Variants in SMG6 observed in about 807,000 individuals in gnomAD.
SMG6 encodes telomerase-binding protein EST1A.
A neutral mutation model predicts 142.2 loss-of-function variants in SMG6; 66 were observed. The observed-to-expected ratio is 0.46, with a 90% CI of 0.38 to 0.57. The LOEUF (loss-of-function observed/expected upper bound fraction) is 0.57, where lower values mean the gene tolerates loss of function less well. SMG6 is among the 20% of genes least tolerant of loss of function. The pLI, the probability that SMG6 is intolerant of heterozygous loss-of-function variation, is 0.00. For synonymous variants in SMG6, 779 were observed against 702.4 expected (o/e 1.11, Z -1.72); for missense variants, 1,793 against 1,832.0 (o/e 0.98, Z 0.39).
chr17:2,284,388 T>G (rs1187756051), intron 6 of SMG6, among the ~76,000 whole-genome samples: 3 of 152,270 alleles, frequency 2.0e-5, no homozygotes, highest in African/African-American at 7.2e-5. Flanking sequence ...AGTTGAACAT[T>G]TTATGGATAT....
chr17:2,303,540 C>G, intron 1 of SMG6, 93 bp downstream of exon 1: 1 of 1,339,744 alleles, frequency 7.5e-7, no homozygotes, highest in South Asian at 1.9e-5. Context: ...GCGGGGGCTC[C>G]GGAGCCGAGG....
chr17:2,136,001 T>TGC (rs1386051027), intron 13 of SMG6, among the ~76,000 whole-genome samples: 1 of 41,834 alleles, frequency 2.4e-5, no homozygotes, highest in African/African-American at 8.4e-5. Context: ...TATTTATGTG[T>TGC]GTGTGTGTGT....
At chr17:2,243,251 G>A (rs2151299680) in intron 9 of SMG6, among the ~76,000 whole-genome samples, 1 of 152,298 alleles carries the variant, frequency 6.6e-6, no homozygotes, top group African/African-American at 2.4e-5. Context: ...GATACCAAAT[G>A]AATATGTAAT....
rs973511893 is a variant in SMG6, at chr17:2,060,347, A to G, written c.*1145T>C. 6.6e-6 allele frequency: 1 copy of G among 152,192 alleles called. No individual in the cohort carries two copies. Among genetic ancestry groups the G allele is most frequent in the Non-Finnish European group, 1.5e-5 (1 of 68,044 alleles). 9.4% of individuals were successfully genotyped at this position (152,192 alleles called of 1,614,324 possible). On this transcript the variant is annotated 3_prime_UTR_variant, in exon 19 of 19. Coordinates refer to ENST00000263073, the MANE Select transcript of SMG6 (RefSeq NM_017575.5). ...TGTGTCAGTGTCAGTTTTTCCGGGG[A>G]GTGAGGGCAAAGCTAGAAACCAGGT...
chr17:2,284,237 A>G (rs1322772806), intron 6 of SMG6, among the ~76,000 whole-genome samples: 1 of 152,210 alleles, frequency 6.6e-6, no homozygotes, highest in African/African-American at 2.4e-5. Flanking sequence ...TATATCCTCA[A>G]CATTACAATG....
intron 13 of SMG6, among the ~76,000 whole-genome samples, chr17:2,169,206 T>C (rs890155616): frequency 4.0e-5 from 6 of 150,078 alleles, no homozygotes; most frequent in African/African-American, 1.5e-4. Flanking sequence ...GAGAAAGAGG[T>C]CCCGCAGAGG....
At chr17:2,089,088 T>A (rs1433689014) in intron 13 of SMG6, among the ~76,000 whole-genome samples, 1 of 152,164 alleles carries the variant, frequency 6.6e-6, no homozygotes, top group Non-Finnish European at 1.5e-5. Context: ...GGAGAGGGGT[T>A]AAAGCTGGAC....
chr17:2,140,138 C>T (rs773269870), intron 13 of SMG6, among the ~76,000 whole-genome samples: 136 of 152,198 alleles, frequency 8.9e-4, no homozygotes, highest in Non-Finnish European at 1.7e-3. Context: ...CCTCGGCTCA[C>T]TGCAACCTCC....
chr17:2,225,943 C>T (rs982846964), intron 10 of SMG6, among the ~76,000 whole-genome samples: 3 of 152,228 alleles, frequency 2.0e-5, no homozygotes, highest in South Asian at 2.1e-4. Context: ...AAATATAAAT[C>T]GGATAAGGGC....
rs1345934974 is a variant in SMG6 at position 2,299,218 on chromosome 17, C to T, written c.1535G>A (p.Arg512Gln). Residue 512 changes from arginine (R) to glutamine (Q), a missense_variant, in exon 2 of 19, where the codon CGG becomes CAG. Physicochemically the swap from Arg to Gln is conservative, Grantham distance 43. Around this residue, in one of 3 missense-constraint regions of SMG6, gnomAD observed 1,597 missense variants for 1,584.6 expected, o/e 1.01. Coordinates refer to ENST00000263073, the MANE Select transcript of SMG6 (RefSeq NM_017575.5). The surrounding 1 kb of genome is among the most constrained non-coding windows in gnomAD (Gnocchi z 4.3). ...ATACTGGGAGGCAGGGCCTGGTGTC[C>T]GGGGGTAATAATAGGGGTTGTCAGA... ...QNSDNPYYYPRTPGPASQYPY... is the reference protein window; with the variant it reads ...QNSDNPYYYPQTPGPASQYPY... The T allele has an allele frequency of 1.1e-5, 18 of 1,613,686 alleles. No homozygotes were observed. Among genetic ancestry groups the T allele is most frequent in the East Asian group, 2.2e-5 (1 of 44,882 alleles).
chr17:2,143,940 G>A (rs1293109602), intron 13 of SMG6, among the ~76,000 whole-genome samples: 2 of 151,856 alleles, frequency 1.3e-5, no homozygotes, highest in Non-Finnish European at 2.9e-5. Context: ...AGTTTTGGCT[G>A]CAAGTGGCAG....
At chr17:2,146,848 G>A (rs2070684112) in intron 13 of SMG6, among the ~76,000 whole-genome samples, 2 of 152,150 alleles carry the variant, frequency 1.3e-5, no homozygotes, top group Non-Finnish European at 2.9e-5. Flanking sequence ...TTACACGTGT[G>A]AGCCACCACG....
At chr17:2,259,161 C>A (rs1429167797) in intron 8 of SMG6, among the ~76,000 whole-genome samples, 1 of 151,632 alleles carries the variant, frequency 6.6e-6, no homozygotes, top group African/African-American at 2.4e-5. Context: ...AAAGCAAAAG[C>A]CCCAAACAAA....
At chr17:2,191,929 C>T (rs2072176705) in intron 10 of SMG6, among the ~76,000 whole-genome samples, 1 of 152,220 alleles carries the variant, frequency 6.6e-6, no homozygotes, top group Non-Finnish European at 1.5e-5. Flanking sequence ...CTTTCAACAG[C>T]AAGTGTCCTT....
In SMG6 at chr17:2,282,729, G is replaced by A. The variant is rs780150707; in HGVS notation, c.2579C>T (p.Ser860Phe). The A allele has an allele frequency of 4.3e-6, 7 of 1,614,076 alleles. No individual in the cohort carries two copies. The highest frequency in any genetic ancestry group is 3.3e-5 in the Admixed American group (2 of 60,000). ...TTRLEIWIHP[S>F]HPRSSQGTES... is the part of the protein sequence containing the mutation. ...AGTGCCCTGGGAAGACCGTGGATGG[G>A]ATGGATGAATCCAGATCTCCAGGCG... Residue 860 changes from serine (S) to phenylalanine (F), a missense_variant, in exon 8 of 19, where the codon TCC becomes TTC. By Grantham distance (155) the Ser-to-Phe change is radical (BLOSUM62 -2). This residue lies in a region of SMG6 where 1,597 missense variants were observed against 1,584.6 expected (regional missense o/e 1.01). Coordinates refer to ENST00000263073, the MANE Select transcript of SMG6 (RefSeq NM_017575.5).
intron 13 of SMG6, among the ~76,000 whole-genome samples, chr17:2,164,470 T>C (rs2071273740): frequency 6.6e-6 from 1 of 151,744 alleles, no homozygotes; most frequent in South Asian, 2.1e-4. Flanking sequence ...TAGCCGGGCG[T>C]GGTGGCATGC....
At chr17:2,101,726 C>G (rs542571275) in intron 13 of SMG6, 23 of 152,190 alleles carry the variant, frequency 1.5e-4, no homozygotes, top group Non-Finnish European at 3.2e-4. Flanking sequence ...ATGCTTTACA[C>G]GAACCAACTC....
At chr17:2,111,640 G>A (rs2069323243) in intron 13 of SMG6, among the ~76,000 whole-genome samples, 1 of 152,186 alleles carries the variant, frequency 6.6e-6, no homozygotes, top group African/African-American at 2.4e-5. Context: ...CTAGGTTCAA[G>A]GGATCCTCCG....
At chr17:2,227,231 C>T (rs142371987) in intron 10 of SMG6, among the ~76,000 whole-genome samples, 38 of 152,214 alleles carry the variant, frequency 2.5e-4, no homozygotes, top group Non-Finnish European at 3.5e-4. Context: ...TAGGTACTTA[C>T]GTAAGAGAAA....
Sources: gnomAD v4.1 joint callset for allele counts (sites outside exome capture counted in the v4.1 genomes callset) on GRCh38, gnomAD v4.1.1 for gene constraint, gnomAD v4.1.1 regional missense constraint, Gnocchi (gnomAD v3.1) non-coding constraint, MANE v1.5 for transcripts, NCBI Gene and HGNC (gene_info 2026-07-23, HGNC 2026-07-21) for gene names.